Variants in PALM2AKAP2 observed in about 807,000 individuals in gnomAD.
PALM2AKAP2 encodes the protein PALM2-AKAP2 fusion protein.
PALM2AKAP2 carries 37 observed loss-of-function variants against 71.5 expected under a neutral mutation model. The ratio of observed to expected loss-of-function variants is 0.52; its 90% CI spans 0.40 to 0.68. The LOEUF is 0.68. Among genes scored for constraint, PALM2AKAP2 ranks in the 30% least tolerant of loss-of-function variants. The pLI is 0.00. For synonymous variants in PALM2AKAP2, 468 were observed against 478.8 expected (o/e 0.98, Z 0.29); for missense variants, 1,224 against 1,191.8 (o/e 1.03, Z -0.40).
intron 6 of PALM2AKAP2, among the ~76,000 whole-genome samples, chr9:109,950,760 C>T (rs1394574308): frequency 6.6e-6 from 1 of 152,104 alleles, no homozygotes; most frequent in African/African-American, 2.4e-5. Flanking sequence ...CCAACTCCAG[C>T]CCAGCTGTGA....
intron 3 of PALM2AKAP2, among the ~76,000 whole-genome samples, chr9:109,916,743 A>G (rs1564208951): frequency 6.6e-6 from 1 of 152,170 alleles, no homozygotes; most frequent in Non-Finnish European, 1.5e-5. Flanking sequence ...GCCCATAACA[A>G]GCAATCTGGA....
chr9:109,742,436 G>A (rs1422271695), intron 1 of PALM2AKAP2, among the ~76,000 whole-genome samples: 2 of 152,166 alleles, frequency 1.3e-5, no homozygotes, highest in East Asian at 3.9e-4. Context: ...AGCAGCTCTT[G>A]TACAAAAGAG....
At position 110,142,985 on chromosome 9, in the gene PALM2AKAP2, G is replaced by A. The variant is rs1255624454; in HGVS notation, c.2569+4446G>A. On this transcript the variant is annotated intron_variant, in intron 2 of 3. Transcript: ENST00000374525. ...CTATTGTAATGCATCCATTTCATAG[G>A]CTTGGATTGAGCTCTTCCTGCTTAT... Among the ~76,000 whole-genome samples, 3 of 152,278 alleles carry A rather than the reference G, an allele frequency of 2.0e-5. No homozygotes were observed. In the East Asian group the frequency reaches 5.8e-4, roughly 29 times the overall value.
chr9:110,003,692 G>A (rs1000524708), intron 6 of PALM2AKAP2, among the ~76,000 whole-genome samples: 1 of 152,168 alleles, frequency 6.6e-6, no homozygotes, highest in Admixed American at 6.5e-5. Flanking sequence ...CTAAGGACTT[G>A]CTTTATGAAT....
chr9:109,925,013 G>A, intron 4 of PALM2AKAP2, 48 bp from the exon 5 acceptor site: 1 of 1,613,550 alleles, frequency 6.2e-7, no homozygotes, highest in Non-Finnish European at 8.5e-7. Context: ...AGATGGGATT[G>A]TACCCCCACA....
chr9:110,159,164 C>G (rs1003935298), intron 3 of PALM2AKAP2, among the ~76,000 whole-genome samples: 2 of 152,196 alleles, frequency 1.3e-5, no homozygotes, highest in Admixed American at 6.5e-5. Flanking sequence ...AGTTGTGTAA[C>G]TGGCTTACCT....
chr9:109,723,614 A>G (rs1442855634), intron 1 of PALM2AKAP2, among the ~76,000 whole-genome samples: 1 of 152,224 alleles, frequency 6.6e-6, no homozygotes, highest in Non-Finnish European at 1.5e-5. Flanking sequence ...AGTCATGAGG[A>G]TATATATGTA....
At chr9:109,935,857 T>A (rs916609914) in intron 6 of PALM2AKAP2, among the ~76,000 whole-genome samples, 1 of 152,232 alleles carries the variant, frequency 6.6e-6, no homozygotes, top group African/African-American at 2.4e-5. Context: ...CAATCTTCTC[T>A]GCTCATCTGG....
intron 1 of PALM2AKAP2, among the ~76,000 whole-genome samples, chr9:109,765,977 C>T (rs1320786097): frequency 6.6e-6 from 1 of 152,210 alleles, no homozygotes; most frequent in Non-Finnish European, 1.5e-5. Context: ...CTGTCATATG[C>T]AGAGTGTCAC....
intron 6 of PALM2AKAP2, among the ~76,000 whole-genome samples, chr9:109,963,711 T>C (rs147694656): frequency 7.9e-5 from 12 of 152,298 alleles, no homozygotes; most frequent in African/African-American, 2.4e-4. Context: ...TGACTGTGCT[T>C]CACCTCCCAA....
chr9:109,886,645 C>T (rs1829972953), intron 3 of PALM2AKAP2, among the ~76,000 whole-genome samples: 1 of 152,194 alleles, frequency 6.6e-6, no homozygotes, highest in Non-Finnish European at 1.5e-5. Context: ...TTGCTCTCTT[C>T]AGTCTCAGTT....
exon 1 of PALM2AKAP2, chr9:110,048,797 C>T (rs2132492743): frequency 6.5e-7 from 1 of 1,534,386 alleles, no homozygotes; most frequent in Non-Finnish European, 8.7e-7. Flanking sequence ...GCAGCGGCCG[C>T]GCGGCGCTGG....
chr9:110,011,161 T>C (rs1052227549), intron 6 of PALM2AKAP2, among the ~76,000 whole-genome samples: 3 of 146,954 alleles, frequency 2.0e-5, no homozygotes, highest in African/African-American at 7.4e-5. Flanking sequence ...ATATGTGTAA[T>C]TTTTTATATG....
exon 1 of PALM2AKAP2, chr9:110,048,776 C>G (rs750071427): frequency 7.2e-6 from 11 of 1,535,796 alleles, no homozygotes; most frequent in African/African-American, 5.5e-5. Flanking sequence ...CCTGGACCCC[C>G]GGAGCGGGAG....
intron 3 of PALM2AKAP2, among the ~76,000 whole-genome samples, chr9:109,903,002 C>G (rs2131856995): frequency 6.6e-6 from 1 of 152,232 alleles, no homozygotes; most frequent in African/African-American, 2.4e-5. Context: ...AGGCCCCAGT[C>G]TCTGGAGCCT....
rs767804428 is a variant in PALM2AKAP2, at chr9:109,880,696, G to C, written c.257+15G>C. ...AACATTCAGAGGTAGGTGGCTTCCA[G>C]CCCAGGGAACCCATGCTACAGTTTT... is the stretch of plus-strand genomic sequence containing the variant. On this transcript the variant is annotated intron_variant, in intron 3 of 9. Coordinates refer to the PALM2AKAP2 transcript ENST00000302798. 1 of 1,612,880 alleles carries C rather than the reference G, an allele frequency of 6.2e-7. No individual in the cohort carries two copies. Among genetic ancestry groups the C allele is most frequent in the African/African-American group, 1.3e-5 (1 of 74,900 alleles).
At chr9:110,136,428 G>T (rs7039287) in exon 2 of PALM2AKAP2, 6 of 1,614,042 alleles carry the variant, frequency 3.7e-6, no homozygotes, top group Non-Finnish European at 5.1e-6. Flanking sequence ...GAGGCCAACT[G>T]CTGTGATTCT....
intron 1 of PALM2AKAP2, among the ~76,000 whole-genome samples, chr9:109,785,013 A>G (rs1209164781): frequency 6.6e-6 from 1 of 152,216 alleles, no homozygotes; most frequent in Non-Finnish European, 1.5e-5. Flanking sequence ...CTCAGTGGAA[A>G]CTAACCTTGT....
chr9:109,996,173 T>G (rs1414237099), intron 6 of PALM2AKAP2, among the ~76,000 whole-genome samples: 1 of 152,246 alleles, frequency 6.6e-6, no homozygotes, highest in Non-Finnish European at 1.5e-5. Context: ...GGGTTTTGTT[T>G]AATTTTATGT....
Sources: gnomAD v4.1 joint callset for allele counts (sites outside exome capture counted in the v4.1 genomes callset) on GRCh38, gnomAD v4.1.1 for gene constraint, MANE v1.5 for transcripts, NCBI Gene and HGNC (gene_info 2026-07-23, HGNC 2026-07-21) for gene names.